Variants in ELAVL4 observed in about 807,000 individuals in gnomAD.
The protein encoded by ELAVL4 is ELAV-like protein 4.
ELAVL4 carries 1 observed loss-of-function variant against 35.6 expected under a neutral mutation model. That is an observed-to-expected ratio of 0.03 (90% CI 0.01 to 0.13). The LOEUF (loss-of-function observed/expected upper bound fraction) is 0.13. Among genes scored for constraint, ELAVL4 ranks in the 10% least tolerant of loss-of-function variants. The pLI, the probability that ELAVL4 is intolerant of heterozygous loss-of-function variation, is 1.00. For synonymous variants in ELAVL4, 156 were observed against 171.0 expected (o/e 0.91, Z 0.69); for missense variants, 267 against 464.9 (o/e 0.57, Z 3.91).
Position 50,109,015 on chromosome 1 carries a change from T to TCGGGGGGGCC in ELAVL4, c.-174_-173insGGGGGGGCCC. The TCGGGGGGGCC allele has an allele frequency of 5.2e-6, 5 of 961,040 alleles. No individual in the cohort carries two copies. Among genetic ancestry groups the TCGGGGGGGCC allele is most frequent in the Non-Finnish European group, 4.9e-6 (4 of 816,922 alleles). 59.5% of individuals were successfully genotyped at this position (961,040 alleles called of 1,614,324 possible). On this transcript the variant is annotated 5_prime_UTR_variant, in exon 1 of 7. Transcript: ENST00000371824. ...GCTCCTTTTCTTTTTTTTCTTTCTC[T>TCGGGGGGGCC]CCCCCGCCCACCCCCCCAAAAATAA...
At chr1:50,183,005 C>T (rs1681282787) in intron 3 of ELAVL4, among the ~76,000 whole-genome samples, 1 of 151,782 alleles carries the variant, frequency 6.6e-6, no homozygotes, top group Non-Finnish European at 1.5e-5. Context: ...TTACAGGCAC[C>T]TGCCACCACG....
exon 1 of ELAVL4, chr1:50,048,126 A>T: frequency 1.3e-6 from 2 of 1,504,800 alleles, no homozygotes; most frequent in Non-Finnish European, 1.8e-6. Flanking sequence ...CGCCCCACCC[A>T]GCCTCCGCAG....
chr1:50,136,326 G>C (rs1471956077), intron 1 of ELAVL4, among the ~76,000 whole-genome samples: 2 of 152,160 alleles, frequency 1.3e-5, no homozygotes, highest in Non-Finnish European at 2.9e-5. Flanking sequence ...CTGGGCTATT[G>C]CATCCACCAG....
At chr1:50,068,474 G>A (rs145075791) in intron 1 of ELAVL4, among the ~76,000 whole-genome samples, 5 of 152,044 alleles carry the variant, frequency 3.3e-5, no homozygotes, top group African/African-American at 1.2e-4. Flanking sequence ...AGTGTAGAAG[G>A]GCTTCTGGCA....
intron 1 of ELAVL4, among the ~76,000 whole-genome samples, chr1:50,068,854 A>G (rs4525085): frequency 0.092 from 14,032 of 152,256 alleles, 863 homozygotes; most frequent in African/African-American, 0.16. Flanking sequence ...ATTAATAACA[A>G]CGCTTTACTT....
At chr1:50,090,058 G>C (rs1157589318) in intron 1 of ELAVL4, among the ~76,000 whole-genome samples, 2 of 152,162 alleles carry the variant, frequency 1.3e-5, no homozygotes, top group Admixed American at 1.3e-4. Flanking sequence ...GAGTTGGGTG[G>C]AGGTTGTAAA....
At position 50,163,549 on chromosome 1, in the gene ELAVL4, G is replaced by A. The variant is rs181657143; in HGVS notation, c.251-13540G>A. 4.5e-4 allele frequency among the ~76,000 whole-genome samples: 68 copies of A among 152,276 alleles called. No homozygotes were observed. In the East Asian group the frequency reaches 5.4e-3, roughly 12 times the overall value. Reference sequence around the variant, plus strand: ...ACTAGAAAACCCATGCTCTCTCGCCGGGTGCAGTGGCTCACGCCTGTAATA... The same window carrying A: ...ACTAGAAAACCCATGCTCTCTCGCCAGGTGCAGTGGCTCACGCCTGTAATA... On this transcript the variant is annotated intron_variant, in intron 2 of 6. Transcript: ENST00000371824.
intron 1 of ELAVL4, among the ~76,000 whole-genome samples, chr1:50,053,957 GTGGCTATC>G (rs1572095820): frequency 6.6e-6 from 1 of 152,316 alleles, no homozygotes; most frequent in East Asian, 1.9e-4. Flanking sequence ...TTTTAGTTGT[GTGGCTATC>G]TGGGGGTTAT....
At chr1:50,065,638 CA>C (rs1664222032) in intron 1 of ELAVL4, among the ~76,000 whole-genome samples, 1 of 152,126 alleles carries the variant, frequency 6.6e-6, no homozygotes, top group Non-Finnish European at 1.5e-5. Flanking sequence ...TTACTTGTAT[CA>C]GTTACCTATT....
chr1:50,120,184 A>G (rs1668787979), intron 1 of ELAVL4, among the ~76,000 whole-genome samples: 3 of 151,896 alleles, frequency 2.0e-5, no homozygotes, highest in African/African-American at 4.8e-5. Context: ...AATGATGTGG[A>G]CAGTGTCTCA....
intron 1 of ELAVL4, among the ~76,000 whole-genome samples, chr1:50,126,861 C>T (rs967928023): frequency 2.6e-5 from 4 of 152,026 alleles, no homozygotes; most frequent in African/African-American, 9.7e-5. Context: ...TTTGTCAATG[C>T]ACTTTTTGTA....
At chr1:50,119,115 A>G (rs1213415607) in intron 1 of ELAVL4, among the ~76,000 whole-genome samples, 5 of 152,040 alleles carry the variant, frequency 3.3e-5, no homozygotes, top group Admixed American at 1.3e-4. Flanking sequence ...ATCCTTTGCT[A>G]TGGAACAGGC....
rs1341781895 is a variant in ELAVL4, at chr1:50,178,011, G to T, written c.354+819G>T. Among the ~76,000 whole-genome samples, 10 of 152,172 alleles carry T rather than the reference G, an allele frequency of 6.6e-5. No individual in the cohort carries two copies. In the East Asian group the frequency reaches 1.7e-3, roughly 26 times the overall value. On this transcript the variant is annotated intron_variant, in intron 3 of 6. Coordinates refer to ENST00000371824, the MANE Select transcript of ELAVL4 (RefSeq NM_001144774.3). ...CTTCACCTATGGGATCCTTCAGGAG[G>T]TAGTGCTGTTTGCCTTGGGGGATTC...
At chr1:50,122,993 C>T (rs2480693) in intron 1 of ELAVL4, among the ~76,000 whole-genome samples, 77,334 of 151,820 alleles carry the variant, frequency 0.51, 22,645 homozygotes, top group African/African-American at 0.8. Context: ...CATGGCCCCC[C>T]GTCCTCAAAG....
At chr1:50,073,359 T>C (rs1664617583) in intron 1 of ELAVL4, among the ~76,000 whole-genome samples, 1 of 152,212 alleles carries the variant, frequency 6.6e-6, no homozygotes, top group Non-Finnish European at 1.5e-5. Context: ...AATTCTTTTT[T>C]ATTATTTTAA....
chr1:50,166,973 G>T (rs1043662807), intron 2 of ELAVL4, among the ~76,000 whole-genome samples: 1 of 152,188 alleles, frequency 6.6e-6, no homozygotes. Context: ...CCAGCAGAAC[G>T]TGGTGTTGCA....
At chr1:50,189,104 G>T (rs1260344975) in intron 3 of ELAVL4, among the ~76,000 whole-genome samples, 1 of 152,160 alleles carries the variant, frequency 6.6e-6, no homozygotes. Flanking sequence ...ATTTTCTGGG[G>T]CTAAAAAGGA....
intron 3 of ELAVL4, among the ~76,000 whole-genome samples, chr1:50,193,325 G>A (rs993918100): frequency 1.3e-5 from 2 of 151,426 alleles, no homozygotes; most frequent in Admixed American, 1.3e-4. Context: ...GGGGTAGGGA[G>A]GGTGGCAAGG....
chr1:50,060,849 C>G (rs1396515554), intron 1 of ELAVL4, among the ~76,000 whole-genome samples: 1 of 152,200 alleles, frequency 6.6e-6, no homozygotes, highest in African/African-American at 2.4e-5. Flanking sequence ...TTCCTCTGGC[C>G]AGGTACCCTG....
Sources: gnomAD v4.1 joint callset for allele counts (sites outside exome capture counted in the v4.1 genomes callset) on GRCh38, gnomAD v4.1.1 for gene constraint, MANE v1.5 for transcripts, NCBI Gene and HGNC (gene_info 2026-07-23, HGNC 2026-07-21) for gene names.